The following ZNF385D variants were observed in gnomAD, a reference collection of about 807,000 sequenced individuals.
ZNF385D encodes zinc finger protein 385D.
Under a neutral mutation model 35.8 loss-of-function variants are expected in ZNF385D, and 15 were observed. The observed-to-expected ratio is 0.42, with a 90% CI of 0.28 to 0.64. The LOEUF is 0.64. Among genes scored for constraint, ZNF385D ranks in the 30% least tolerant of loss-of-function variants. The pLI is 0.23. For missense variants in ZNF385D, 474 were observed against 494.6 expected (o/e 0.96, Z 0.39); for synonymous variants, 212 against 186.8 (o/e 1.13, Z -1.10).
intron 3 of ZNF385D, among the ~76,000 whole-genome samples, chr3:22,125,713 T>C (rs976755618): frequency 6.6e-6 from 1 of 152,152 alleles, no homozygotes. Context: ...TCTTGATTTA[T>C]CAAATTGTTC....
chr3:22,192,710 T>C (rs1257515370), intron 2 of ZNF385D, among the ~76,000 whole-genome samples: 1 of 152,166 alleles, frequency 6.6e-6, no homozygotes, highest in Non-Finnish European at 1.5e-5. Flanking sequence ...ACCAAGCTTC[T>C]TCTGAACTCC....
At chr3:21,558,377 A>T (rs1283241100) in intron 3 of ZNF385D, among the ~76,000 whole-genome samples, 1 of 152,028 alleles carries the variant, frequency 6.6e-6, no homozygotes, top group African/African-American at 2.4e-5. Context: ...TTGGTTTCAA[A>T]GAACTTATTT....
intron 3 of ZNF385D, among the ~76,000 whole-genome samples, chr3:22,005,225 C>A (rs1199412172): frequency 6.6e-6 from 1 of 151,382 alleles, no homozygotes; most frequent in Non-Finnish European, 1.5e-5. Flanking sequence ...AAATTAAAAC[C>A]ACAATGAGAT....
chr3:21,997,870 CGCGTGTGTGTGTGT>C lies in ZNF385D; in HGVS notation c.325+170933_325+170946del, dbSNP rs1424729783. On this transcript the variant is annotated intron_variant, in intron 3 of 5. Transcript: ENST00000494108. The stretch of plus-strand genomic sequence containing the variant: ...TGTTGCTATTTGGCGCGCGCGCGCG[CGCGTGTGTGTGTGT>C]GTGTGTGTGTGTGTGTGTGTGTGAC... 9.6e-3 allele frequency among the ~76,000 whole-genome samples: 600 copies of C among 62,264 alleles called. 3 individuals are homozygous for C. Among genetic ancestry groups the C allele is most frequent in the Non-Finnish European group, 0.016 (420 of 26,822 alleles). The allele number at this position is 62,264 out of a possible 152,430, so 40.8% of individuals were successfully genotyped here.
intron 2 of ZNF385D, among the ~76,000 whole-genome samples, chr3:22,313,558 A>T (rs1703710164): frequency 6.6e-6 from 1 of 152,142 alleles, no homozygotes; most frequent in African/African-American, 2.4e-5. Context: ...TAAAAAAGAT[A>T]TTACAAAACA....
chr3:21,618,689 G>A (rs2064917852), intron 2 of ZNF385D, among the ~76,000 whole-genome samples: 1 of 152,104 alleles, frequency 6.6e-6, no homozygotes, highest in Admixed American at 6.6e-5. Flanking sequence ...GGGAAACACT[G>A]GCAAGGATGA....
intron 2 of ZNF385D, among the ~76,000 whole-genome samples, chr3:21,655,188 C>G (rs1158796926): frequency 6.6e-6 from 1 of 151,942 alleles, no homozygotes; most frequent in East Asian, 1.9e-4. Flanking sequence ...TCCTCAATGC[C>G]TGCAATTTCT....
chr3:22,372,550 T>A (rs1696960155), exon 2 of ZNF385D: 1 of 985,554 alleles, frequency 1.0e-6, no homozygotes, highest in Admixed American at 6.1e-5. Flanking sequence ...GCCCTGGCCC[T>A]GGCATCCGGG....
At chr3:21,480,185 C>A (rs1240827822) in intron 4 of ZNF385D, among the ~76,000 whole-genome samples, 2 of 150,912 alleles carry the variant, frequency 1.3e-5, no homozygotes, top group African/African-American at 4.9e-5. Context: ...TCACTGCAAC[C>A]TCTGCCTCTG....
intron 4 of ZNF385D, among the ~76,000 whole-genome samples, chr3:21,449,568 C>A (rs1015926757): frequency 6.6e-6 from 1 of 152,140 alleles, no homozygotes; most frequent in African/African-American, 2.4e-5. Flanking sequence ...CTTTTAACAA[C>A]AACCCAACTG....
chr3:21,918,367 A>G (rs1298940276), intron 3 of ZNF385D, among the ~76,000 whole-genome samples: 1 of 152,216 alleles, frequency 6.6e-6, no homozygotes, highest in African/African-American at 2.4e-5. Flanking sequence ...AAGTGGAAGA[A>G]GTTACTATCA....
At chr3:21,862,673 C>A (rs1236332757) in intron 3 of ZNF385D, among the ~76,000 whole-genome samples, 1 of 152,090 alleles carries the variant, frequency 6.6e-6, no homozygotes, top group Non-Finnish European at 1.5e-5. Flanking sequence ...CCTGGGAGGC[C>A]ATCATCCTGC....
intron 3 of ZNF385D, among the ~76,000 whole-genome samples, chr3:21,545,255 A>G (rs987904588): frequency 3.3e-5 from 5 of 152,234 alleles, no homozygotes; most frequent in Admixed American, 2.6e-4. Flanking sequence ...AGGTGCTCTC[A>G]AATACAGACT....
intron 3 of ZNF385D, among the ~76,000 whole-genome samples, chr3:22,101,979 C>T (rs1481568385): frequency 6.6e-6 from 1 of 151,058 alleles, no homozygotes; most frequent in Admixed American, 6.7e-5. Context: ...ATCTAGTATC[C>T]TACTCCCTTT....
In ZNF385D at chr3:22,117,586, CA is replaced by C. The variant is rs897091282; in HGVS notation, c.325+51230del. Among the ~76,000 whole-genome samples, 33 of 149,476 alleles carry C rather than the reference CA, an allele frequency of 2.2e-4. No homozygotes were observed. The East Asian group carries it at 5.3e-3, about 24-fold the overall frequency. Reference sequence around the variant, plus strand: ...GATTTATTCCACTATTTTTTTTTTACAAAAAAAATGATATTCTTTTAACTTT... The same window carrying C: ...GATTTATTCCACTATTTTTTTTTTACAAAAAAATGATATTCTTTTAACTTT... On this transcript the variant is annotated intron_variant, in intron 3 of 5. Coordinates refer to the ZNF385D transcript ENST00000494108.
intron 3 of ZNF385D, among the ~76,000 whole-genome samples, chr3:21,830,310 G>A (rs1490216630): frequency 4.6e-5 from 7 of 152,180 alleles, no homozygotes; most frequent in Non-Finnish European, 8.8e-5. Context: ...TTCTTTGACT[G>A]ATATTTGATT....
At chr3:22,363,036 A>G (rs1002907911) in intron 2 of ZNF385D, among the ~76,000 whole-genome samples, 12 of 152,226 alleles carry the variant, frequency 7.9e-5, no homozygotes, top group Admixed American at 2.0e-4. Flanking sequence ...GGGAAGTCCA[A>G]CTTAGTTCGC....
intron 2 of ZNF385D, among the ~76,000 whole-genome samples, chr3:22,290,201 G>C (rs1295791033): frequency 6.6e-6 from 1 of 152,146 alleles, no homozygotes; most frequent in South Asian, 2.1e-4. Context: ...TCTTCACGGG[G>C]AAGCTGGGTG....
At chr3:22,009,280 A>ATAAG (rs1277494163) in intron 3 of ZNF385D, among the ~76,000 whole-genome samples, 2 of 151,920 alleles carry the variant, frequency 1.3e-5, no homozygotes, top group Non-Finnish European at 2.9e-5. Flanking sequence ...AGGAGAATAA[A>ATAAG]TTGTGGTATA....
Sources: allele counts gnomAD v4.1 joint callset (sites outside exome capture counted in the v4.1 genomes callset), GRCh38; gene constraint gnomAD v4.1.1; transcripts MANE v1.5; gene names NCBI Gene and HGNC (gene_info 2026-07-23, HGNC 2026-07-21).